CALN1: variants seen among roughly 807,000 people sequenced by gnomAD.
The protein encoded by CALN1 is calneuron 1.
In CALN1, 17 loss-of-function variants were observed where a neutral mutation model predicts 30.6. The ratio of observed to expected loss-of-function variants is 0.56; its 90% confidence interval spans 0.38 to 0.83. The LOEUF is 0.83. Ranked by LOEUF, CALN1 falls within the 40% of genes least tolerant of loss-of-function variation. The pLI is 0.00. For synonymous variants in CALN1, 156 were observed against 131.4 expected, an observed-to-expected ratio of 1.19 and a Z score of -1.28; for missense variants, 291 against 354.9, an observed-to-expected ratio of 0.82 and a Z score of 1.45.
intron 3 of CALN1, among the ~76,000 whole-genome samples, chr7:72,135,892 G>T (rs776850196): frequency 6.6e-6 from 1 of 152,090 alleles, no homozygotes; most frequent in Non-Finnish European, 1.5e-5. Context: ...CAGCACTTTG[G>T]GAGGCCGAGG....
intron 5 of CALN1, among the ~76,000 whole-genome samples, chr7:71,913,476 TTCTC>T (rs1471971195): frequency 6.6e-6 from 1 of 152,238 alleles, no homozygotes; most frequent in Non-Finnish European, 1.5e-5. Flanking sequence ...AGGGCCAGGC[TTCTC>T]TCTATGTATA....
chr7:72,457,499 C>A, the CALN1 span, among the ~76,000 whole-genome samples: 1 of 152,134 alleles, frequency 6.6e-6, no homozygotes, highest in African/African-American at 2.4e-5. Context: ...TTCCTCCAGC[C>A]TGGAATGCCC....
At chr7:71,942,843 T>A (rs1796206838) in intron 5 of CALN1, among the ~76,000 whole-genome samples, 2 of 152,112 alleles carry the variant, frequency 1.3e-5, no homozygotes, top group South Asian at 4.1e-4. Flanking sequence ...CCCATTCTAT[T>A]CAAAGTCACC....
intron 6 of CALN1, among the ~76,000 whole-genome samples, chr7:71,808,013 G>A (rs553999440): frequency 6.6e-6 from 1 of 152,258 alleles, no homozygotes; most frequent in East Asian, 1.9e-4. Context: ...AGCAGAGGTT[G>A]CAGTGAGCAG....
chr7:72,168,409 G>A (rs1041797154), intron 3 of CALN1, among the ~76,000 whole-genome samples: 6 of 152,092 alleles, frequency 3.9e-5, no homozygotes, highest in South Asian at 2.1e-4. Context: ...GCATGCATAC[G>A]TATTTATGTT....
At chr7:72,405,881 G>A (rs1002427548) in intron 1 of CALN1, among the ~76,000 whole-genome samples, 8 of 152,128 alleles carry the variant, frequency 5.3e-5, no homozygotes, top group Non-Finnish European at 1.0e-4. Context: ...TCTCTTGTCA[G>A]GTCCCCCCAG....
chr7:71,785,095 C>A lies in CALN1; in HGVS notation c.*2680G>T, dbSNP rs1019023868. 1.6e-5 allele frequency: 6 copies of A among 385,900 alleles called. No homozygotes were observed. The highest frequency in any genetic ancestry group is 2.7e-5 in the Non-Finnish European group (6 of 218,692). 23.9% of individuals were successfully genotyped at this position (385,900 alleles called of 1,614,324 possible). Reference sequence around the variant, plus strand: ...GTCTCCACGCACTGTGTCCTTCAGTCCCTGGGTGCCACATGGGGGGTTACC... The same window carrying A: ...GTCTCCACGCACTGTGTCCTTCAGTACCTGGGTGCCACATGGGGGGTTACC... On this transcript the variant is annotated 3_prime_UTR_variant, in exon 7 of 7. Transcript: ENST00000395275.
chr7:71,959,509 G>A (rs756603264), intron 5 of CALN1, among the ~76,000 whole-genome samples: 10 of 152,160 alleles, frequency 6.6e-5, no homozygotes, highest in Non-Finnish European at 1.3e-4. Context: ...AGAGCATAGA[G>A]CATAGGGGTA....
chr7:72,495,560 C>A, the CALN1 span, among the ~76,000 whole-genome samples: 1 of 152,198 alleles, frequency 6.6e-6, no homozygotes, highest in Non-Finnish European at 1.5e-5. Flanking sequence ...CCATGCCACA[C>A]CCCATGAGCA....
At chr7:72,462,026 A>G in the CALN1 span, among the ~76,000 whole-genome samples, 1 of 151,880 alleles carries the variant, frequency 6.6e-6, no homozygotes, top group Non-Finnish European at 1.5e-5. Context: ...AGAAAGAAAA[A>G]AAAAAAAGGA....
chr7:72,466,067 A>C, the CALN1 span, among the ~76,000 whole-genome samples: 1 of 152,170 alleles, frequency 6.6e-6, no homozygotes, highest in Non-Finnish European at 1.5e-5. Flanking sequence ...GGATACCCTA[A>C]AGCTTTGCAC....
Position 72,343,800 on chromosome 7 carries a change from G to A in CALN1, c.119+59451C>T, listed in dbSNP as rs187274136. 1.1e-4 allele frequency among the ~76,000 whole-genome samples: 17 copies of A among 152,284 alleles called. No homozygotes were observed. In the East Asian group the frequency reaches 3.1e-3, roughly 28 times the overall value. On this transcript the variant is annotated intron_variant, in intron 2 of 6. Coordinates refer to ENST00000395275, the MANE Select transcript of CALN1 (RefSeq NM_031468.4). Reference sequence around the variant, plus strand: ...TACTGTTTCTCTGCTGGGTTAGAAAGGACTACTGTTTCTCATTGTGGTGTC... The same window carrying A: ...TACTGTTTCTCTGCTGGGTTAGAAAAGACTACTGTTTCTCATTGTGGTGTC...
intron 3 of CALN1, among the ~76,000 whole-genome samples, chr7:72,160,647 T>C (rs903429904): frequency 2.0e-5 from 3 of 152,172 alleles, no homozygotes; most frequent in Admixed American, 2.0e-4. Flanking sequence ...ACATGGATAT[T>C]TGTGGATCCA....
intron 4 of CALN1, among the ~76,000 whole-genome samples, chr7:72,093,824 T>C (rs368956238): frequency 4.6e-5 from 7 of 152,316 alleles, no homozygotes; most frequent in South Asian, 2.1e-4. Flanking sequence ...GAATTATCAG[T>C]TGAAATCACA....
chr7:72,480,954 C>T, the CALN1 span, among the ~76,000 whole-genome samples: 1 of 151,910 alleles, frequency 6.6e-6, no homozygotes, highest in African/African-American at 2.4e-5. Context: ...TTTTACTTAC[C>T]TTTTTTTGTT....
intron 5 of CALN1, among the ~76,000 whole-genome samples, chr7:71,814,733 C>T (rs1314982567): frequency 6.6e-6 from 1 of 152,100 alleles, no homozygotes; most frequent in African/African-American, 2.4e-5. Context: ...TTACTTCCTC[C>T]TCTTTATGAT....
upstream of CALN1, among the ~76,000 whole-genome samples, chr7:72,415,835 G>A (rs1366381428): frequency 1.3e-5 from 2 of 152,178 alleles, no homozygotes; most frequent in Non-Finnish European, 2.9e-5. Context: ...GACACCGCCT[G>A]CAGGTACCAC....
chr7:72,348,127 A>G (rs1252268038), intron 2 of CALN1, among the ~76,000 whole-genome samples: 1 of 152,224 alleles, frequency 6.6e-6, no homozygotes, highest in Non-Finnish European at 1.5e-5. Context: ...TCTCAAAGAA[A>G]AAAAAGAAAC....
At chr7:72,388,754 A>G (rs1805395399) in intron 2 of CALN1, among the ~76,000 whole-genome samples, 1 of 152,176 alleles carries the variant, frequency 6.6e-6, no homozygotes, top group South Asian at 2.1e-4. Context: ...TCCCACATAC[A>G]TGACCACAGA....
Sources: allele counts gnomAD v4.1 joint callset (sites outside exome capture counted in the v4.1 genomes callset), GRCh38; gene constraint gnomAD v4.1.1; transcripts MANE v1.5; gene names NCBI Gene and HGNC (gene_info 2026-07-23, HGNC 2026-07-21).